GBF1: variants seen among roughly 807,000 people sequenced by gnomAD.
The protein encoded by GBF1 is golgi brefeldin A resistant guanine nucleotide exchange factor 1.
A neutral mutation model predicts 210.5 loss-of-function variants in GBF1; 114 were observed. The ratio of observed to expected loss-of-function variants is 0.54; its 90% CI spans 0.47 to 0.63. The LOEUF is 0.63. GBF1 is among the 30% of genes least tolerant of loss of function. GBF1 has a pLI of 0.00. For synonymous variants in GBF1, 850 were observed against 889.2 expected (o/e 0.96, Z 0.78); for missense variants, 1,851 against 2,357.7 (o/e 0.79, Z 4.45).
intron 3 of GBF1, among the ~76,000 whole-genome samples, chr10:102,331,931 C>G (rs1239707337): frequency 1.4e-5 from 2 of 138,006 alleles, no homozygotes; most frequent in Non-Finnish European, 3.0e-5. Context: ...GCAGTCTTGG[C>G]TCACTGCAAC....
intron 3 of GBF1, among the ~76,000 whole-genome samples, chr10:102,266,325 T>C (rs576421028): frequency 6.6e-6 from 1 of 152,302 alleles, no homozygotes; most frequent in South Asian, 2.1e-4. Context: ...ACCTTTTCTT[T>C]TGGGGATTCT....
chr10:102,347,677 A>C (rs752992307), intron 4 of GBF1, among the ~76,000 whole-genome samples: 3 of 152,172 alleles, frequency 2.0e-5, no homozygotes, highest in African/African-American at 4.8e-5. Flanking sequence ...GATTTCCCTG[A>C]AGTTGGTTCC....
At position 102,260,960 on chromosome 10, in the gene GBF1, CAT is replaced by C. The variant is rs574728119; in HGVS notation, c.163+847_163+848del. Among the ~76,000 whole-genome samples, 14 of 152,100 alleles carry C rather than the reference CAT, an allele frequency of 9.2e-5. No homozygotes were observed. In the South Asian group the frequency reaches 2.9e-3, roughly 32 times the overall value. On this transcript the variant is annotated intron_variant, in intron 3 of 39. Coordinates refer to ENST00000369983, the MANE Select transcript of GBF1 (RefSeq NM_001377137.1). ...TCACGGTAACCTTATATAATATATT[CAT>C]ATGTTTAGAATTTTCAAAGCCATTT... is the stretch of plus-strand genomic sequence containing the variant.
At chr10:102,336,764 T>C (rs930150237) in intron 3 of GBF1, among the ~76,000 whole-genome samples, 1 of 152,110 alleles carries the variant, frequency 6.6e-6, no homozygotes, top group Non-Finnish European at 1.5e-5. Context: ...TCCCTAAATC[T>C]CAGTTACCTC....
intron 3 of GBF1, among the ~76,000 whole-genome samples, chr10:102,285,011 T>A (rs759650924): frequency 2.0e-5 from 3 of 152,216 alleles, no homozygotes; most frequent in Non-Finnish European, 4.4e-5. Flanking sequence ...TCAGGTCTTA[T>A]GGATCTTCTG....
At chr10:102,250,862 C>A (rs2071428564) in intron 1 of GBF1, among the ~76,000 whole-genome samples, 1 of 152,092 alleles carries the variant, frequency 6.6e-6, no homozygotes. Flanking sequence ...GAGGCTGAGG[C>A]AGGAGAATCA....
intron 3 of GBF1, among the ~76,000 whole-genome samples, chr10:102,310,020 G>C (rs1462820531): frequency 6.6e-6 from 1 of 152,290 alleles, no homozygotes; most frequent in African/African-American, 2.4e-5. Flanking sequence ...CATCTTTTCT[G>C]TTGGGCTTGA....
At chr10:102,370,666 C>T (rs1381840212) in intron 28 of GBF1, 41 bp from the exon 29 acceptor site, 4 of 1,605,024 alleles carry the variant, frequency 2.5e-6, no homozygotes, top group Non-Finnish European at 3.4e-6. Context: ...CCCAGTGGCC[C>T]CTCTGGCTGA....
At chr10:102,239,500 G>T in the GBF1 span, among the ~76,000 whole-genome samples, 1 of 152,360 alleles carries the variant, frequency 6.6e-6, no homozygotes, top group African/African-American at 2.4e-5. Flanking sequence ...TAATTGTGGT[G>T]TGTCTTTATA....
chr10:102,287,341 T>TTTA, intron 3 of GBF1, among the ~76,000 whole-genome samples: 7 of 132,090 alleles, frequency 5.3e-5, no homozygotes, highest in Non-Finnish European at 6.4e-5. Flanking sequence ...TTTATTTTAT[T>TTTA]TTCTTTTTTT....
intron 3 of GBF1, among the ~76,000 whole-genome samples, chr10:102,340,295 CAG>C (rs2058088237): frequency 2.8e-5 from 3 of 106,446 alleles, no homozygotes; most frequent in South Asian, 6.3e-4. Flanking sequence ...TTTTTTGAGA[CAG>C]AGTCTCGCTG....
At chr10:102,230,729 A>G in the GBF1 span, 1 of 1,511,588 alleles carries the variant, frequency 6.6e-7, no homozygotes, top group Non-Finnish European at 8.8e-7. Context: ...ACGGCCCCGG[A>G]GGACACGGCG....
chr10:102,286,803 C>A (rs750112293), intron 3 of GBF1, among the ~76,000 whole-genome samples: 16 of 152,200 alleles, frequency 1.1e-4, no homozygotes, highest in Non-Finnish European at 1.9e-4. Flanking sequence ...AGACATATAT[C>A]TCTGGGGATA....
chr10:102,333,387 T>C (rs1457648149), intron 3 of GBF1, among the ~76,000 whole-genome samples: 1 of 152,164 alleles, frequency 6.6e-6, no homozygotes, highest in Non-Finnish European at 1.5e-5. Flanking sequence ...TAAACGAAGG[T>C]ATGGGAGGTT....
chr10:102,372,044 C>T (rs1317925028), intron 29 of GBF1, among the ~76,000 whole-genome samples: 2 of 151,824 alleles, frequency 1.3e-5, no homozygotes, highest in East Asian at 1.9e-4. Context: ...GGTGAAACCC[C>T]GTCTCTACTA....
chr10:102,252,338 C>CA lies in GBF1; in HGVS notation c.-11+6572dup, dbSNP rs1290728672. Among the ~76,000 whole-genome samples, 467 of 83,488 alleles carry CA rather than the reference C, an allele frequency of 5.6e-3. 1 individual carries two copies. The highest frequency in any genetic ancestry group is 0.036 in the Middle Eastern group (4 of 112). The allele number at this position is 83,488 out of a possible 152,430, so 54.8% of individuals were successfully genotyped here. A position where few individuals can be genotyped will look rare whatever the true frequency, so the allele number is the denominator to read the frequency against. ...GGGCAACAAGGGGGAAACGCTGTCT[C>CA]AAAAAAAAAAAAAAAGTGGAAAAAT... On this transcript the variant is annotated intron_variant, in intron 1 of 39. Transcript: ENST00000369983.
intron 3 of GBF1, among the ~76,000 whole-genome samples, chr10:102,342,932 G>A (rs1372038870): frequency 6.6e-6 from 1 of 152,062 alleles, no homozygotes; most frequent in Non-Finnish European, 1.5e-5. Flanking sequence ...TAGAATAGAT[G>A]AAGGGGTTTT....
chr10:102,284,061 A>C (rs10509756), intron 3 of GBF1, among the ~76,000 whole-genome samples: 1,587 of 150,276 alleles, frequency 0.011, 27 homozygotes, highest in African/African-American at 0.038. Context: ...TTTTTGCAAG[A>C]ATCCCAAGTG....
Position 102,363,998 on chromosome 10 carries a change from T to C in GBF1, c.2106+200T>C, listed in dbSNP as rs1404100846. On this transcript the variant is annotated intron_variant, in intron 17 of 39. Transcript: ENST00000369983. This position sits in a 1 kb window ranked among gnomAD's most constrained non-coding sequence, Gnocchi z 4.2. ...CTAAGCTATGTAGTTGAGCATACCCTATGTATGCCCCTGCGCAAATGCTGT... is the reference window on the plus strand; with the variant it reads ...CTAAGCTATGTAGTTGAGCATACCCCATGTATGCCCCTGCGCAAATGCTGT... 1.3e-5 allele frequency among the ~76,000 whole-genome samples: 2 copies of C among 152,014 alleles called. No individual in the cohort carries two copies. Among genetic ancestry groups the C allele is most frequent in the African/African-American group, 2.4e-5 (1 of 41,380 alleles).
Sources: gnomAD v4.1 joint callset for allele counts (sites outside exome capture counted in the v4.1 genomes callset) on GRCh38, gnomAD v4.1.1 for gene constraint, Gnocchi (gnomAD v3.1) non-coding constraint, MANE v1.5 for transcripts, NCBI Gene and HGNC (gene_info 2026-07-23, HGNC 2026-07-21) for gene names.